NRG1: variants seen among roughly 807,000 people sequenced by gnomAD.
NRG1 encodes pro-neuregulin-1, membrane-bound isoform.
A neutral mutation model predicts 63.8 loss-of-function variants in NRG1; 18 were observed. The ratio of observed to expected loss-of-function variants is 0.28; its 90% confidence interval spans 0.19 to 0.42. NRG1 has a LOEUF of 0.42. Among genes scored for constraint, NRG1 ranks in the 10% least tolerant of loss-of-function variants. The pLI is 1.00. For synonymous variants in NRG1, 302 were observed against 301.3 expected (o/e 1.00, Z -0.02); for missense variants, 762 against 814.7 (o/e 0.94, Z 0.79).
Position 31,940,333 on chromosome 8 carries a change from A to T in NRG1, c.37+300902A>T, listed in dbSNP as rs552131077. On this transcript the variant is annotated intron_variant, in intron 1 of 10. Transcript: ENST00000519301. The stretch of plus-strand genomic sequence containing the variant: ...CAACAAGGAAATCAAGATGGAAATT[A>T]AAAAATTATTTAAACTGAGTGATAA... 1.2e-4 allele frequency among the ~76,000 whole-genome samples: 19 copies of T among 152,216 alleles called. No individual in the cohort carries two copies. The South Asian group carries it at 2.1e-3, about 17-fold the overall frequency.
At chr8:32,237,112 G>C (rs1847644317) in intron 1 of NRG1, among the ~76,000 whole-genome samples, 1 of 152,202 alleles carries the variant, frequency 6.6e-6, no homozygotes, top group Admixed American at 6.5e-5. Context: ...TCAGGTGCAG[G>C]AGAAGTAGAC....
At chr8:32,326,637 C>A (rs886363319) in intron 1 of NRG1, among the ~76,000 whole-genome samples, 1 of 152,048 alleles carries the variant, frequency 6.6e-6, no homozygotes, top group Middle Eastern at 3.4e-3. Flanking sequence ...CCAGCCATCA[C>A]ATTTTTAGAT....
intron 1 of NRG1, among the ~76,000 whole-genome samples, chr8:32,559,407 T>G (rs1309791566): frequency 6.6e-6 from 1 of 152,124 alleles, no homozygotes. Context: ...AAAAGCCTCT[T>G]CTTTGGGTAA....
At chr8:32,045,292 T>C (rs1053488308) in intron 1 of NRG1, among the ~76,000 whole-genome samples, 1 of 151,924 alleles carries the variant, frequency 6.6e-6, no homozygotes, top group Non-Finnish European at 1.5e-5. Flanking sequence ...ACAAGATATG[T>C]ATGCTAAAAA....
intron 1 of NRG1, among the ~76,000 whole-genome samples, chr8:32,274,529 T>C (rs1372457442): frequency 6.6e-6 from 1 of 152,230 alleles, no homozygotes; most frequent in East Asian, 1.9e-4. Flanking sequence ...TTGAACTTCA[T>C]TCCCTTTCTT....
intron 5 of NRG1, among the ~76,000 whole-genome samples, chr8:32,696,115 G>A (rs755699110): frequency 2.6e-5 from 4 of 152,136 alleles, no homozygotes; most frequent in Non-Finnish European, 5.9e-5. Context: ...ATTTTGTTTT[G>A]AAGAGAGAGC....
intron 1 of NRG1, among the ~76,000 whole-genome samples, chr8:32,092,767 C>T (rs945983034): frequency 3.3e-5 from 5 of 152,062 alleles, no homozygotes; most frequent in East Asian, 1.9e-4. Context: ...TTGAGGACCA[C>T]GGAGATAAAG....
At chr8:31,712,408 A>G (rs1033235729) in intron 1 of NRG1, among the ~76,000 whole-genome samples, 8 of 151,802 alleles carry the variant, frequency 5.3e-5, no homozygotes, top group African/African-American at 1.7e-4. Context: ...AGCTGGGACT[A>G]TAGGCACGTG....
intron 1 of NRG1, among the ~76,000 whole-genome samples, chr8:32,193,943 A>T (rs975157786): frequency 6.6e-6 from 1 of 152,244 alleles, no homozygotes; most frequent in East Asian, 1.9e-4. Flanking sequence ...GCACCTGCAG[A>T]GGAAGCAGCC....
At chr8:32,528,176 G>A (rs1026303892) in intron 1 of NRG1, among the ~76,000 whole-genome samples, 4 of 152,134 alleles carry the variant, frequency 2.6e-5, no homozygotes, top group Non-Finnish European at 4.4e-5. Context: ...AAATAGCCAA[G>A]CCTCCGTTAT....
chr8:32,164,132 T>A (rs1400882678), intron 1 of NRG1, among the ~76,000 whole-genome samples: 1 of 152,164 alleles, frequency 6.6e-6, no homozygotes, highest in Non-Finnish European at 1.5e-5. Flanking sequence ...TGCCTTCATC[T>A]CTTAGTTTTT....
At chr8:32,280,672 T>C (rs1852607015) in intron 1 of NRG1, among the ~76,000 whole-genome samples, 1 of 134,810 alleles carries the variant, frequency 7.4e-6, no homozygotes, top group African/African-American at 2.7e-5. Flanking sequence ...TTCATGCAAC[T>C]GAATTAGGTT....
chr8:32,041,809 C>T (rs1226399550), intron 1 of NRG1, among the ~76,000 whole-genome samples: 2 of 152,100 alleles, frequency 1.3e-5, no homozygotes, highest in Non-Finnish European at 2.9e-5. Flanking sequence ...CCAAAAAGTA[C>T]CAGGGAAATG....
chr8:32,461,956 C>T (rs1419223829), intron 1 of NRG1, among the ~76,000 whole-genome samples: 7 of 152,092 alleles, frequency 4.6e-5, no homozygotes, highest in Non-Finnish European at 8.8e-5. Flanking sequence ...GTTTTAGATG[C>T]GAAGTTCCCA....
intron 1 of NRG1, among the ~76,000 whole-genome samples, chr8:32,158,695 C>T (rs1474306221): frequency 2.0e-5 from 3 of 151,614 alleles, no homozygotes; most frequent in Non-Finnish European, 4.4e-5. Context: ...GAGGCCAGCC[C>T]CTACCTCTGC....
chr8:32,589,692 A>G (rs1378857401), intron 1 of NRG1, among the ~76,000 whole-genome samples: 1 of 152,242 alleles, frequency 6.6e-6, no homozygotes, highest in East Asian at 1.9e-4. Flanking sequence ...ATATCTCTGC[A>G]GCAGACACAT....
chr8:31,737,923 T>C (rs1308789716), intron 1 of NRG1, among the ~76,000 whole-genome samples: 1 of 152,012 alleles, frequency 6.6e-6, no homozygotes, highest in Non-Finnish European at 1.5e-5. Context: ...TTCTGTTTAA[T>C]TTTTTTATAG....
At chr8:32,207,341 G>T (rs958790767) in intron 1 of NRG1, among the ~76,000 whole-genome samples, 18 of 152,004 alleles carry the variant, frequency 1.2e-4, no homozygotes, top group African/African-American at 4.3e-4. Context: ...GCCATTACTC[G>T]TAAGGGCAGA....
chr8:31,728,146 C>T (rs1813639958), intron 1 of NRG1, among the ~76,000 whole-genome samples: 1 of 152,106 alleles, frequency 6.6e-6, no homozygotes, highest in South Asian at 2.1e-4. Context: ...AGAAGTGAAA[C>T]TGCAGATATG....
Sources: gnomAD v4.1 joint callset for allele counts (sites outside exome capture counted in the v4.1 genomes callset) on GRCh38, gnomAD v4.1.1 for gene constraint, MANE v1.5 for transcripts, NCBI Gene and HGNC (gene_info 2026-07-23, HGNC 2026-07-21) for gene names.